Variants in NKAIN3 observed in about 807,000 individuals in gnomAD.
The protein encoded by NKAIN3 is sodium/potassium transporting ATPase interacting 3.
NKAIN3 carries 25 observed loss-of-function variants against 30.2 expected under a neutral mutation model. The ratio of observed to expected loss-of-function variants is 0.83; its 90% CI spans 0.60 to 1.16. NKAIN3 has a LOEUF of 1.16. Ranked by LOEUF, NKAIN3 falls within the 50% of genes most tolerant of loss-of-function variation. The probability of loss-of-function intolerance (pLI) is 0.00; values close to 1 mark genes in which losing one functional copy is unlikely to be tolerated. For missense variants in NKAIN3, 225 were observed against 254.1 expected (o/e 0.89, Z 0.78); for synonymous variants, 91 against 89.6 (o/e 1.02, Z -0.09).
chr8:62,257,474 T>C (rs1812298892), intron 1 of NKAIN3, among the ~76,000 whole-genome samples: 2 of 152,192 alleles, frequency 1.3e-5, no homozygotes, highest in African/African-American at 4.8e-5. Flanking sequence ...TTGCTTGCCC[T>C]GCCAAGAGAT....
At chr8:62,924,690 T>C (rs2130864440) in intron 5 of NKAIN3, among the ~76,000 whole-genome samples, 1 of 152,316 alleles carries the variant, frequency 6.6e-6, no homozygotes, top group South Asian at 2.1e-4. Context: ...CCTCCTGTCT[T>C]AGTTCTTCTG....
At chr8:62,731,134 C>G (rs1483309085) in intron 3 of NKAIN3, among the ~76,000 whole-genome samples, 1 of 151,868 alleles carries the variant, frequency 6.6e-6, no homozygotes, top group African/African-American at 2.4e-5. Flanking sequence ...AGACCTGGCG[C>G]TTTTTAGTGA....
chr8:62,725,856 G>A (rs1429075263), intron 3 of NKAIN3, among the ~76,000 whole-genome samples: 1 of 151,856 alleles, frequency 6.6e-6, no homozygotes, highest in Admixed American at 6.6e-5. Context: ...TACATTTTAG[G>A]ATTTTTTTTC....
intron 3 of NKAIN3, among the ~76,000 whole-genome samples, chr8:62,622,839 T>C (rs1174699349): frequency 2.0e-5 from 3 of 152,066 alleles, no homozygotes; most frequent in African/African-American, 7.2e-5. Flanking sequence ...AAGAACTCTT[T>C]GCTAGCTCTA....
At position 62,288,357 on chromosome 8, in the gene NKAIN3, C is replaced by T. The variant is rs557376246; in HGVS notation, c.54+39230C>T. Among the ~76,000 whole-genome samples, 6 of 152,232 alleles carry T rather than the reference C, an allele frequency of 3.9e-5. No individual in the cohort carries two copies. In the East Asian group the frequency reaches 1.2e-3, roughly 29 times the overall value. The stretch of plus-strand genomic sequence containing the variant: ...CCTGCACCCGTTAACTCATTATTTA[C>T]ATTAGGTATATCTCCTAATGCTATC... On this transcript the variant is annotated intron_variant, in intron 1 of 6. Transcript: ENST00000623646.
chr8:62,803,265 T>C (rs977820754), intron 4 of NKAIN3, among the ~76,000 whole-genome samples: 1 of 152,148 alleles, frequency 6.6e-6, no homozygotes, highest in African/African-American at 2.4e-5. Flanking sequence ...CAAGGGGACC[T>C]AATAGACATC....
At chr8:62,988,304 C>T (rs1317522711), downstream of NKAIN3, among the ~76,000 whole-genome samples, 1 of 152,228 alleles carries the variant, frequency 6.6e-6, no homozygotes, top group African/African-American at 2.4e-5. Flanking sequence ...TGAAGCTCCA[C>T]TAGGCAGTGC....
chr8:62,445,416 T>C (rs149130908), intron 1 of NKAIN3, among the ~76,000 whole-genome samples: 90 of 152,242 alleles, frequency 5.9e-4, no homozygotes, highest in African/African-American at 2.0e-3. Context: ...CCTTATATTA[T>C]ACCCATTTTT....
At chr8:62,278,382 GT>G (rs36075063) in intron 1 of NKAIN3, among the ~76,000 whole-genome samples, 88,408 of 149,320 alleles carry the variant, frequency 0.59, 26,148 homozygotes, top group East Asian at 0.68. Context: ...CCTACTGCTG[GT>G]TTTTTTTTTT....
At chr8:62,562,249 G>A (rs1040747686) in intron 1 of NKAIN3, among the ~76,000 whole-genome samples, 1 of 152,134 alleles carries the variant, frequency 6.6e-6, no homozygotes, top group African/African-American at 2.4e-5. Context: ...AATGTCCACA[G>A]AGTATGAGAG....
intron 3 of NKAIN3, among the ~76,000 whole-genome samples, chr8:62,722,048 G>A (rs1487098979): frequency 1.3e-5 from 2 of 152,152 alleles, no homozygotes; most frequent in Non-Finnish European, 2.9e-5. Context: ...TTTATGGAAA[G>A]CATAGCTAAG....
At chr8:62,747,317 C>T (rs1816110750) in intron 4 of NKAIN3, among the ~76,000 whole-genome samples, 188 bp downstream of exon 4, 1 of 152,124 alleles carries the variant, frequency 6.6e-6, no homozygotes, top group Non-Finnish European at 1.5e-5. Context: ...GGTATCTAGA[C>T]ATTTTGTATT....
intron 5 of NKAIN3, among the ~76,000 whole-genome samples, chr8:62,925,856 A>G (rs1822425349): frequency 6.6e-6 from 1 of 152,158 alleles, no homozygotes; most frequent in African/African-American, 2.4e-5. Context: ...AGTTACAGTA[A>G]CAAAGTCTGA....
At position 62,965,585 on chromosome 8, in the gene NKAIN3, A is replaced by C. The variant is rs1480706219; in HGVS notation, c.*178A>C. ...TAGGTGCTTGGGTGGGTATTTTTTT[A>C]GTCGTTTTCTTCTTATATGAACACT... On this transcript the variant is annotated 3_prime_UTR_variant, in exon 7 of 7. Transcript: ENST00000623646. 6.1e-6 allele frequency: 6 copies of C among 977,024 alleles called. No individual in the cohort carries two copies. In the African/African-American group the frequency reaches 8.9e-5, roughly 15 times the overall value. 60.5% of individuals were successfully genotyped at this position (977,024 alleles called of 1,614,324 possible).
At chr8:62,319,343 C>A (rs1814786144) in intron 1 of NKAIN3, among the ~76,000 whole-genome samples, 1 of 152,088 alleles carries the variant, frequency 6.6e-6, no homozygotes, top group African/African-American at 2.4e-5. Context: ...CATTTCTGCT[C>A]TGATCTTAGT....
intron 3 of NKAIN3, among the ~76,000 whole-genome samples, chr8:62,688,824 A>G (rs1026133037): frequency 1.3e-5 from 2 of 152,126 alleles, no homozygotes; most frequent in Non-Finnish European, 2.9e-5. Flanking sequence ...TCAAGAATAA[A>G]CACTCCAAAG....
chr8:62,597,733 A>G (rs989917453), intron 3 of NKAIN3, among the ~76,000 whole-genome samples: 14 of 151,990 alleles, frequency 9.2e-5, no homozygotes, highest in Admixed American at 8.5e-4. Context: ...ACTTTATATT[A>G]GTTTGTATAT....
At chr8:62,734,878 A>C (rs1482227059) in intron 3 of NKAIN3, among the ~76,000 whole-genome samples, 1 of 152,246 alleles carries the variant, frequency 6.6e-6, no homozygotes, top group Non-Finnish European at 1.5e-5. Flanking sequence ...TTCACTGGAT[A>C]CAAAATTCTT....
intron 1 of NKAIN3, among the ~76,000 whole-genome samples, chr8:62,340,730 G>A (rs1217530505): frequency 1.3e-5 from 2 of 151,958 alleles, no homozygotes; most frequent in Admixed American, 6.6e-5. Flanking sequence ...GCAGGCTAGG[G>A]TGATCAGATA....
Sources: allele counts gnomAD v4.1 joint callset (sites outside exome capture counted in the v4.1 genomes callset), GRCh38; gene constraint gnomAD v4.1.1; transcripts MANE v1.5; gene names NCBI Gene and HGNC (gene_info 2026-07-23, HGNC 2026-07-21).